CDK14: variants seen among roughly 807,000 people sequenced by gnomAD.
CDK14 encodes the protein cyclin dependent kinase 14, also known as cyclin-dependent kinase 14.
In CDK14, 34 loss-of-function variants were observed where a neutral mutation model predicts 60.7. The ratio of observed to expected loss-of-function variants is 0.56; its 90% confidence interval spans 0.43 to 0.75. CDK14 has a LOEUF of 0.75. Among genes scored for constraint, CDK14 ranks in the 30% least tolerant of loss-of-function variants. The pLI is 0.00. For missense variants in CDK14, 482 were observed against 564.1 expected (o/e 0.85, Z 1.47); for synonymous variants, 197 against 203.7 (o/e 0.97, Z 0.28).
At chr7:91,098,511 GAAAA>G (rs1255707834) in intron 12 of CDK14, among the ~76,000 whole-genome samples, 2 of 126,250 alleles carry the variant, frequency 1.6e-5, no homozygotes, top group African/African-American at 2.9e-5. Flanking sequence ...AAAAAAGAAA[GAAAA>G]AGAAAGAAAG....
chr7:90,619,576 A>G (rs1799725298), intron 2 of CDK14, among the ~76,000 whole-genome samples: 1 of 152,252 alleles, frequency 6.6e-6, no homozygotes, highest in Non-Finnish European at 1.5e-5. Context: ...AATATTTAAT[A>G]ACCAAGGTCT....
chr7:91,171,133 A>G (rs1801504058), intron 14 of CDK14, among the ~76,000 whole-genome samples: 1 of 152,080 alleles, frequency 6.6e-6, no homozygotes, highest in South Asian at 2.1e-4. Context: ...GCAGATCACA[A>G]GGTCAGAAGA....
intron 10 of CDK14, among the ~76,000 whole-genome samples, chr7:91,029,481 TTC>T (rs1333647022): frequency 1.3e-5 from 2 of 151,968 alleles, no homozygotes; most frequent in Non-Finnish European, 2.9e-5. Flanking sequence ...TTTGTATCAT[TTC>T]TGTTTTTTTT....
chr7:90,676,527 ATTTTTTT>A (rs60056655), intron 2 of CDK14, among the ~76,000 whole-genome samples: 40 of 142,028 alleles, frequency 2.8e-4, no homozygotes, highest in Admixed American at 2.3e-3. Context: ...TAGATGTTTC[ATTTTTTT>A]TTTTTTTTTT....
chr7:90,679,848 A>C (rs1801279775), intron 2 of CDK14, among the ~76,000 whole-genome samples: 1 of 152,194 alleles, frequency 6.6e-6, no homozygotes, highest in Non-Finnish European at 1.5e-5. Context: ...ATCTTTTGCT[A>C]TATAGATTTA....
chr7:90,899,451 A>T (rs569104347), intron 7 of CDK14, 98 bp downstream of exon 7: 65 of 877,810 alleles, frequency 7.4e-5, no homozygotes, highest in African/African-American at 4.6e-4. Context: ...TAAATTTTTT[A>T]AATTTTTTGT....
intron 8 of CDK14, among the ~76,000 whole-genome samples, chr7:90,948,063 G>A (rs1794152845): frequency 6.6e-6 from 1 of 152,092 alleles, no homozygotes; most frequent in Non-Finnish European, 1.5e-5. Context: ...TGCCTTAAAA[G>A]TTCTGAATAT....
intron 14 of CDK14, among the ~76,000 whole-genome samples, chr7:91,157,399 T>G (rs1488156459): frequency 2.0e-5 from 3 of 152,202 alleles, no homozygotes; most frequent in African/African-American, 4.8e-5. Context: ...CATGGACAAG[T>G]GACTGAATCT....
intron 1 of CDK14, chr7:90,597,085 G>A (rs1799208569): frequency 4.3e-6 from 1 of 231,826 alleles, no homozygotes. Context: ...TTGCGCACAG[G>A]CTTGGATATT....
intron 12 of CDK14, among the ~76,000 whole-genome samples, chr7:91,106,613 G>GT (rs1184772379): frequency 6.6e-6 from 1 of 152,166 alleles, no homozygotes; most frequent in African/African-American, 2.4e-5. Flanking sequence ...AGATGAGACT[G>GT]TGTCATTAGA....
intron 10 of CDK14, among the ~76,000 whole-genome samples, chr7:91,026,750 T>G (rs1000416885): frequency 1.3e-5 from 2 of 152,196 alleles, no homozygotes; most frequent in African/African-American, 4.8e-5. Context: ...TGCTTCCCAC[T>G]TAGGGTTTAT....
intron 2 of CDK14, among the ~76,000 whole-genome samples, chr7:90,604,627 A>G (rs1373693964): frequency 1.3e-5 from 2 of 152,196 alleles, no homozygotes; most frequent in Admixed American, 1.3e-4. Context: ...CCTCAGCTGA[A>G]TCAGGGTGTG....
At chr7:91,062,984 C>T (rs1339115445) in intron 11 of CDK14, among the ~76,000 whole-genome samples, 3 of 152,150 alleles carry the variant, frequency 2.0e-5, no homozygotes, top group East Asian at 1.9e-4. Flanking sequence ...AAAGAGCAGA[C>T]GTAATGCCAC....
At chr7:91,054,088 ATTTTTT>A (rs10675646) in intron 11 of CDK14, among the ~76,000 whole-genome samples, 18 of 112,948 alleles carry the variant, frequency 1.6e-4, no homozygotes, top group East Asian at 7.5e-4. Context: ...CTGCAAAATA[ATTTTTT>A]TTTTTTTTTT....
intron 5 of CDK14, among the ~76,000 whole-genome samples, chr7:90,825,214 C>T (rs544738023): frequency 6.6e-5 from 10 of 152,248 alleles, no homozygotes; most frequent in Non-Finnish European, 1.2e-4. Context: ...ACTATACTCC[C>T]GTACTCTGAG....
rs184742681 is a variant in CDK14, at chr7:90,922,440, A to G, written c.826+4716A>G. ...AGAAAGGGTTTTTTTTTTCTCTCTA[A>G]TTTCTCTAGGGAATGTCATTAAAAC... is the stretch of plus-strand genomic sequence containing the variant. On this transcript the variant is annotated intron_variant, in intron 8 of 14. Transcript: ENST00000380050. 2.9e-3 allele frequency among the ~76,000 whole-genome samples: 443 copies of G among 152,102 alleles called. 6 individuals carry two copies. Among genetic ancestry groups the G allele is most frequent in the African/African-American group, 0.01 (425 of 41,496 alleles).
At position 90,781,941 on chromosome 7, in the gene CDK14, C is replaced by G. The variant is rs1276063876; in HGVS notation, c.465-8632C>G. 3.3e-5 allele frequency among the ~76,000 whole-genome samples: 5 copies of G among 151,958 alleles called. No individual in the cohort carries two copies. The South Asian group carries it at 6.2e-4, about 19-fold the overall frequency. The stretch of plus-strand genomic sequence containing the variant: ...ATATGAACTTTAAAGTAGTTTTTTC[C>G]AATTCTGTGCAGAAAGTCATTGGTA... On this transcript the variant is annotated intron_variant, in intron 4 of 14. Coordinates refer to ENST00000380050, the MANE Select transcript of CDK14 (RefSeq NM_001287135.2).
intron 10 of CDK14, among the ~76,000 whole-genome samples, chr7:91,005,939 C>T (rs919976036): frequency 3.3e-5 from 5 of 152,188 alleles, no homozygotes; most frequent in Non-Finnish European, 7.3e-5. Context: ...GTGATGTGGG[C>T]GACTGTGGTT....
chr7:91,077,791 T>A (rs980529269), intron 11 of CDK14, among the ~76,000 whole-genome samples: 2 of 151,634 alleles, frequency 1.3e-5, no homozygotes, highest in Non-Finnish European at 2.9e-5. Context: ...AACTTGATCA[T>A]ATACAAAAAA....
Sources: allele counts gnomAD v4.1 joint callset (sites outside exome capture counted in the v4.1 genomes callset), GRCh38; gene constraint gnomAD v4.1.1; transcripts MANE v1.5; gene names NCBI Gene and HGNC (gene_info 2026-07-23, HGNC 2026-07-21).